The following KDM4C variants were observed in gnomAD, a reference collection of about 807,000 sequenced individuals.
The protein encoded by KDM4C is lysine-specific demethylase 4C.
A neutral mutation model predicts 129.3 loss-of-function variants in KDM4C; 81 were observed. That is an observed-to-expected ratio of 0.63 (90% CI 0.52 to 0.75). The LOEUF is 0.75. Among genes scored for constraint, KDM4C ranks in the 30% least tolerant of loss-of-function variants. The probability of loss-of-function intolerance (pLI) is 0.00; values close to 1 mark genes in which losing one functional copy is unlikely to be tolerated. For synonymous variants in KDM4C, 573 were observed against 456.1 expected, an observed-to-expected ratio of 1.26 and a Z score of -3.26; for missense variants, 1,457 against 1,304.0, an observed-to-expected ratio of 1.12 and a Z score of -1.81.
intron 19 of KDM4C, among the ~76,000 whole-genome samples, chr9:7,157,110 T>A (rs1001399136): frequency 1.1e-3 from 168 of 152,294 alleles, no homozygotes; most frequent in African/African-American, 4.0e-3. Context: ...ATTTTCTTTG[T>A]AGCAGTTGTG....
In KDM4C at chr9:7,103,820, C is replaced by A; in HGVS notation, c.2560C>A (p.Pro854Thr). 1 of 1,614,000 alleles carries A rather than the reference C, an allele frequency of 6.2e-7. No individual in the cohort carries two copies. Among genetic ancestry groups the A allele is most frequent in the Non-Finnish European group, 8.5e-7 (1 of 1,179,956 alleles). The stretch of plus-strand genomic sequence containing the variant: ...GGTACTGATGGAGCCTGATGACTGG[C>A]CTTATGTGGTGAACATTACATGCTT... ...AGVLMEPDDW[P>T]YVVNITCFRH... Residue 854 changes from proline (P) to threonine (T), a missense_variant, in exon 18 of 22, where the codon CCT becomes ACT. Physicochemically the swap from Pro to Thr is conservative, Grantham distance 38. Coordinates refer to ENST00000381309, the MANE Select transcript of KDM4C (RefSeq NM_015061.6).
intron 19 of KDM4C, among the ~76,000 whole-genome samples, chr9:7,132,996 A>G (rs1045264525): frequency 6.6e-6 from 1 of 152,166 alleles, no homozygotes; most frequent in South Asian, 2.1e-4. Flanking sequence ...ACTCTTCAAG[A>G]TTCTGGGGGT....
intron 1 of KDM4C, among the ~76,000 whole-genome samples, chr9:6,750,006 A>G (rs1355767483): frequency 1.3e-5 from 2 of 151,352 alleles, no homozygotes; most frequent in African/African-American, 4.9e-5. Flanking sequence ...AAAAAAAAAA[A>G]AAAAAAAGAG....
chr9:6,973,411 C>G (rs1250486800), intron 8 of KDM4C, among the ~76,000 whole-genome samples: 1 of 152,150 alleles, frequency 6.6e-6, no homozygotes, highest in Non-Finnish European at 1.5e-5. Context: ...GTCTAGTTAG[C>G]TTTCTTTAGG....
At chr9:6,992,240 C>G (rs548416905) in intron 12 of KDM4C, among the ~76,000 whole-genome samples, 4 of 152,090 alleles carry the variant, frequency 2.6e-5, no homozygotes, top group Non-Finnish European at 5.9e-5. Flanking sequence ...CTCCTGTGTC[C>G]TTATTTGCCT....
intron 12 of KDM4C, among the ~76,000 whole-genome samples, chr9:6,993,290 C>T (rs1294463531): frequency 6.6e-6 from 1 of 152,142 alleles, no homozygotes; most frequent in African/African-American, 2.4e-5. Flanking sequence ...ATATATACTA[C>T]ATGTTTATAT....
At chr9:7,062,190 G>C (rs1387781978) in intron 17 of KDM4C, among the ~76,000 whole-genome samples, 1 of 152,038 alleles carries the variant, frequency 6.6e-6, no homozygotes, top group Non-Finnish European at 1.5e-5. Flanking sequence ...GGATGGTCTC[G>C]ACCTCCTGAC....
At position 7,011,613 on chromosome 9, in the gene KDM4C, G is replaced by A. The variant is rs1822706318; in HGVS notation, c.1787-85G>A. 8.9e-6 allele frequency: 11 copies of A among 1,232,138 alleles called. 1 individual carries two copies. Among genetic ancestry groups the A allele is most frequent in the Non-Finnish European group, 1.3e-5 (11 of 848,020 alleles). 76.3% of individuals were successfully genotyped at this position (1,232,138 alleles called of 1,614,324 possible). The stretch of plus-strand genomic sequence containing the variant: ...TTCCGGCCTTAATATCACAGATTCT[G>A]TGGAATGTTTATTTCTTTTGTACTC... On this transcript the variant is annotated intron_variant, in intron 12 of 21. Transcript: ENST00000381309.
intron 5 of KDM4C, among the ~76,000 whole-genome samples, chr9:6,855,600 C>A (rs1408838352): frequency 1.3e-5 from 2 of 151,978 alleles, no homozygotes. Context: ...CTCAGCCTTT[C>A]CCTTTATTTC....
chr9:7,116,184 G>A (rs1838876546), intron 18 of KDM4C, among the ~76,000 whole-genome samples: 1 of 152,134 alleles, frequency 6.6e-6, no homozygotes, highest in African/African-American at 2.4e-5. Context: ...TTCTTTGCAA[G>A]CATCAGATAC....
chr9:6,842,554 G>C (rs1837152980), intron 4 of KDM4C, among the ~76,000 whole-genome samples: 1 of 151,962 alleles, frequency 6.6e-6, no homozygotes. Flanking sequence ...GACCAGGGTA[G>C]TCTAGAACTG....
chr9:6,870,568 G>A (rs757994809), intron 5 of KDM4C, among the ~76,000 whole-genome samples: 2 of 152,020 alleles, frequency 1.3e-5, no homozygotes, highest in Non-Finnish European at 2.9e-5. Context: ...TGATGGCTGT[G>A]ATGAGCTGTA....
chr9:7,155,276 C>G (rs921426620), intron 19 of KDM4C, among the ~76,000 whole-genome samples: 4 of 152,156 alleles, frequency 2.6e-5, no homozygotes, highest in Admixed American at 2.0e-4. Context: ...GCAGACCACT[C>G]AAGTTGTTGC....
rs1052847248 is a variant in KDM4C at position 7,060,484 on chromosome 9, A to G, written c.2424+11284A>G. On this transcript the variant is annotated intron_variant, in intron 17 of 21. Transcript: ENST00000381309. The stretch of plus-strand genomic sequence containing the variant: ...TATTATTATTATTATTATTATTATT[A>G]TTATTATTATTATTTTGAGATGGAG... Among the ~76,000 whole-genome samples, 9 of 128,666 alleles carry G rather than the reference A, an allele frequency of 7.0e-5. No individual in the cohort carries two copies. The East Asian group carries it at 1.8e-3, about 26-fold the overall frequency. The allele number at this position is 128,666 out of a possible 152,430, so 84.4% of individuals were successfully genotyped here.
At chr9:6,728,886 G>T (rs991528761) in intron 1 of KDM4C, among the ~76,000 whole-genome samples, 1 of 151,542 alleles carries the variant, frequency 6.6e-6, no homozygotes. Context: ...TCTCATTAAT[G>T]TGTGGCCAGA....
intron 8 of KDM4C, among the ~76,000 whole-genome samples, chr9:6,897,352 A>G (rs1404669453): frequency 3.3e-5 from 5 of 152,142 alleles, no homozygotes; most frequent in Admixed American, 6.5e-5. Flanking sequence ...AGGCCTTACC[A>G]TTCTCCTCTC....
intron 17 of KDM4C, among the ~76,000 whole-genome samples, chr9:7,086,272 C>T (rs1564098195): frequency 6.6e-6 from 1 of 152,152 alleles, no homozygotes. Context: ...CTCCACTGGC[C>T]CTAATTATGA....
chr9:6,746,246 TTA>T (rs749012885), intron 1 of KDM4C, among the ~76,000 whole-genome samples: 2 of 116,016 alleles, frequency 1.7e-5, no homozygotes, highest in Non-Finnish European at 1.7e-5. Context: ...CAGCCAGCCA[TTA>T]TATATATATA....
intron 18 of KDM4C, among the ~76,000 whole-genome samples, chr9:7,110,596 T>C (rs10758828): frequency 0.45 from 68,003 of 151,742 alleles, 15,532 homozygotes; most frequent in East Asian, 0.75. Context: ...TCTACGCGCT[T>C]GGATCCACAG....
Sources: gnomAD v4.1 joint callset for allele counts (sites outside exome capture counted in the v4.1 genomes callset) on GRCh38, gnomAD v4.1.1 for gene constraint, MANE v1.5 for transcripts, NCBI Gene and HGNC (gene_info 2026-07-23, HGNC 2026-07-21) for gene names.